UMAD1: variants seen among roughly 807,000 people sequenced by gnomAD.
UMAD1 encodes UBAP1-MVB12-associated (UMA)-domain containing protein 1.
Under a neutral mutation model 6.1 loss-of-function variants are expected in UMAD1, and 8 were observed. That is an observed-to-expected ratio of 1.30 (90% CI 0.76 to 2.35). UMAD1 has a LOEUF of 2.35. UMAD1 is among the 30% of genes most tolerant of loss of function. The pLI, the probability that UMAD1 is intolerant of heterozygous loss-of-function variation, is 0.00. For synonymous variants in UMAD1, 56 were observed against 31.4 expected (o/e 1.78, Z -2.61); for missense variants, 130 against 78.4 (o/e 1.66, Z -2.49).
intron 2 of UMAD1, among the ~76,000 whole-genome samples, chr7:7,676,922 G>C (rs1779755542): frequency 6.6e-6 from 1 of 151,918 alleles, no homozygotes. Flanking sequence ...TGCTCTGCTA[G>C]GTTTCTCTTT....
intron 2 of UMAD1, among the ~76,000 whole-genome samples, chr7:7,758,894 T>G (rs1207754422): frequency 6.6e-6 from 1 of 152,230 alleles, no homozygotes; most frequent in Non-Finnish European, 1.5e-5. Flanking sequence ...CACAAGTTTT[T>G]GTACATATCT....
chr7:7,659,283 G>GT (rs1199029860), intron 1 of UMAD1, among the ~76,000 whole-genome samples: 1 of 152,036 alleles, frequency 6.6e-6, no homozygotes, highest in African/African-American at 2.4e-5. Flanking sequence ...TTTTCGAAGG[G>GT]TTTTTCATGT....
Position 7,683,027 on chromosome 7 carries a change from G to A in UMAD1, c.82+9574G>A, listed in dbSNP as rs28915975. On this transcript the variant is annotated intron_variant, in intron 2 of 3. Transcript: ENST00000682710. ...GTTAGGTTAGGCCATCCCCGTGTGG[G>A]GTACACCACCCTTCCTTAACTCCTT... is the stretch of plus-strand genomic sequence containing the variant. Among the ~76,000 whole-genome samples, 1,319 of 152,262 alleles carry A rather than the reference G, an allele frequency of 8.7e-3. 11 individuals carry two copies. The highest frequency in any genetic ancestry group is 0.029 in the African/African-American group (1,203 of 41,546).
chr7:7,648,358 G>A (rs543161362), intron 1 of UMAD1, among the ~76,000 whole-genome samples: 1 of 152,302 alleles, frequency 6.6e-6, no homozygotes, highest in East Asian at 1.9e-4. Flanking sequence ...ATTTGTGTTT[G>A]TGTTGGCCTG....
chr7:7,847,110 T>A (rs1224405192), intron 3 of UMAD1, among the ~76,000 whole-genome samples: 148 of 6,118 alleles, frequency 0.024, 21 homozygotes, highest in African/African-American at 0.19. Context: ...AAAAAATATA[T>A]ATATATATAT....
chr7:7,810,118 A>T (rs1045591956), intron 3 of UMAD1, among the ~76,000 whole-genome samples: 13 of 152,034 alleles, frequency 8.6e-5, no homozygotes, highest in Admixed American at 4.6e-4. Context: ...AGTTTTAAGA[A>T]TTTTTTAGTA....
At chr7:7,784,257 A>T (rs903916880) in intron 2 of UMAD1, among the ~76,000 whole-genome samples, 23 of 152,112 alleles carry the variant, frequency 1.5e-4, no homozygotes, top group African/African-American at 5.6e-4. Context: ...AGAGCTTATT[A>T]TAAGGAGTTT....
chr7:7,720,353 G>A (rs931143202), intron 2 of UMAD1, among the ~76,000 whole-genome samples: 4 of 152,132 alleles, frequency 2.6e-5, no homozygotes, highest in Non-Finnish European at 5.9e-5. Context: ...TGTCAGAAGC[G>A]AATAACCCTG....
intron 3 of UMAD1, among the ~76,000 whole-genome samples, chr7:7,847,928 C>T (rs1235889742): frequency 2.0e-5 from 3 of 152,080 alleles, no homozygotes; most frequent in Non-Finnish European, 4.4e-5. Context: ...GTTTTTTCTA[C>T]ATGTAGCTAC....
At chr7:7,677,674 T>G (rs750964212) in intron 2 of UMAD1, among the ~76,000 whole-genome samples, 20,562 of 130,686 alleles carry the variant, frequency 0.16, 1,960 homozygotes, top group Middle Eastern at 0.23. Context: ...GTTTTTTTTT[T>G]TTTTTTTTTT....
intron 3 of UMAD1, among the ~76,000 whole-genome samples, chr7:7,851,953 A>C (rs1226151891): frequency 6.6e-6 from 1 of 152,060 alleles, no homozygotes; most frequent in Non-Finnish European, 1.5e-5. Flanking sequence ...CCATTTCAAA[A>C]TGTGAGGCCC....
intron 1 of UMAD1, among the ~76,000 whole-genome samples, chr7:7,657,696 G>A (rs1213628783): frequency 2.0e-5 from 3 of 152,124 alleles, no homozygotes; most frequent in African/African-American, 7.2e-5. Context: ...CCCATACCAT[G>A]CTGTTTTGGT....
At chr7:7,689,085 A>C (rs764233935) in intron 2 of UMAD1, among the ~76,000 whole-genome samples, 1 of 152,028 alleles carries the variant, frequency 6.6e-6, no homozygotes, top group Non-Finnish European at 1.5e-5. Flanking sequence ...AGGAGAGCCA[A>C]CCTTATTCCC....
At chr7:7,730,127 C>T (rs1053075846) in intron 2 of UMAD1, among the ~76,000 whole-genome samples, 7 of 152,186 alleles carry the variant, frequency 4.6e-5, no homozygotes, top group African/African-American at 1.7e-4. Flanking sequence ...CATATGGGCA[C>T]GATAATGTAT....
intron 1 of UMAD1, among the ~76,000 whole-genome samples, chr7:7,646,480 ATTTTTT>A (rs35948027): frequency 4.6e-4 from 51 of 111,326 alleles, no homozygotes; most frequent in African/African-American, 1.3e-3. Flanking sequence ...CTTTCGCTGG[ATTTTTT>A]TTTTTTTTTT....
chr7:7,853,949 A>G (rs1340073187), intron 3 of UMAD1, among the ~76,000 whole-genome samples: 1 of 152,146 alleles, frequency 6.6e-6, no homozygotes, highest in Non-Finnish European at 1.5e-5. Flanking sequence ...TTGGTTTTCT[A>G]TAGACACACT....
intron 2 of UMAD1, among the ~76,000 whole-genome samples, chr7:7,800,891 G>C (rs1387828700): frequency 6.6e-6 from 1 of 152,120 alleles, no homozygotes; most frequent in Non-Finnish European, 1.5e-5. Context: ...CAATTTTATA[G>C]AAAAAGCAAT....
At chr7:7,709,846 C>G (rs1008592254) in intron 2 of UMAD1, among the ~76,000 whole-genome samples, 2 of 151,912 alleles carry the variant, frequency 1.3e-5, no homozygotes, top group Non-Finnish European at 2.9e-5. Flanking sequence ...GTGTACCCAC[C>G]AATTGGTTTA....
intron 1 of UMAD1, among the ~76,000 whole-genome samples, chr7:7,646,524 C>T (rs1320313696): frequency 2.1e-5 from 3 of 141,280 alleles, no homozygotes; most frequent in African/African-American, 7.9e-5. Flanking sequence ...CGTCTGACAC[C>T]ATGTAAGACG....
Sources: allele counts gnomAD v4.1 joint callset (sites outside exome capture counted in the v4.1 genomes callset), GRCh38; gene constraint gnomAD v4.1.1; transcripts MANE v1.5; gene names NCBI Gene and HGNC (gene_info 2026-07-23, HGNC 2026-07-21).